The following SPON1 variants were observed in gnomAD, a reference collection of about 807,000 sequenced individuals.
SPON1 encodes spondin-1.
In SPON1, 52 loss-of-function variants were observed where a neutral mutation model predicts 111.7. The ratio of observed to expected loss-of-function variants is 0.47; its 90% CI spans 0.37 to 0.59. The LOEUF is 0.59. Ranked by LOEUF, SPON1 falls within the 20% of genes least tolerant of loss-of-function variation. The pLI is 0.00. For synonymous variants in SPON1, 410 were observed against 395.8 expected (o/e 1.04, Z -0.43); for missense variants, 957 against 1,068.5 (o/e 0.90, Z 1.46).
intron 2 of SPON1, among the ~76,000 whole-genome samples, chr11:14,016,816 AT>A (rs1424748523): frequency 6.6e-6 from 1 of 152,168 alleles, no homozygotes; most frequent in African/African-American, 2.4e-5. Flanking sequence ...ATAATGTGCC[AT>A]TTTTTTCATT....
chr11:13,993,517 C>T (rs970136270), intron 2 of SPON1, among the ~76,000 whole-genome samples: 1 of 152,208 alleles, frequency 6.6e-6, no homozygotes, highest in Non-Finnish European at 1.5e-5. Flanking sequence ...CTCTTGTCTC[C>T]TTCAGGTCTC....
chr11:14,048,081 A>C (rs1458824745), intron 3 of SPON1, among the ~76,000 whole-genome samples: 14 of 152,098 alleles, frequency 9.2e-5, no homozygotes, highest in Admixed American at 9.2e-4. Flanking sequence ...CTCTACTACA[A>C]ATACAAAATT....
chr11:13,979,208 C>T (rs942605894), intron 1 of SPON1, among the ~76,000 whole-genome samples: 27 of 152,178 alleles, frequency 1.8e-4, no homozygotes, highest in Non-Finnish European at 3.4e-4. Flanking sequence ...TAGCTTTCTG[C>T]GGCTTGTAAA....
At chr11:14,185,295 G>A (rs1848274811) in intron 6 of SPON1, among the ~76,000 whole-genome samples, 3 of 152,094 alleles carry the variant, frequency 2.0e-5, no homozygotes, top group Admixed American at 6.5e-5. Flanking sequence ...AGTTTAGTTT[G>A]AAGGTTTGCC....
At chr11:14,156,477 C>G (rs10766158) in intron 6 of SPON1, among the ~76,000 whole-genome samples, 51,503 of 140,254 alleles carry the variant, frequency 0.37, 9,796 homozygotes, top group East Asian at 0.51. Flanking sequence ...TTCTTTTGCT[C>G]TGCAGAAGCT....
chr11:14,236,157 AG>A (rs1554939221), intron 6 of SPON1, among the ~76,000 whole-genome samples: 3 of 152,002 alleles, frequency 2.0e-5, no homozygotes, highest in African/African-American at 7.3e-5. Context: ...GGAGGAAGGG[AG>A]GGGAGGTAGA....
intron 2 of SPON1, among the ~76,000 whole-genome samples, chr11:14,020,299 G>A (rs959621885): frequency 6.6e-6 from 1 of 152,144 alleles, no homozygotes; most frequent in African/African-American, 2.4e-5. Flanking sequence ...GGGAAGAGCT[G>A]GGGGAGAGGC....
At chr11:14,170,968 G>T (rs1444887898) in intron 6 of SPON1, among the ~76,000 whole-genome samples, 1 of 152,058 alleles carries the variant, frequency 6.6e-6, no homozygotes, top group Non-Finnish European at 1.5e-5. Context: ...TTTTTGTTGT[G>T]TCTCTGCCAG....
chr11:13,992,201 G>T (rs1848236431), intron 2 of SPON1, among the ~76,000 whole-genome samples: 1 of 152,214 alleles, frequency 6.6e-6, no homozygotes, highest in Non-Finnish European at 1.5e-5. Flanking sequence ...GGAAGATGGG[G>T]TTTTTATCTA....
intron 2 of SPON1, among the ~76,000 whole-genome samples, chr11:13,986,788 C>T (rs1374385982): frequency 6.6e-6 from 1 of 152,040 alleles, no homozygotes; most frequent in Non-Finnish European, 1.5e-5. Context: ...TGTTCAACTC[C>T]CACTTATGAG....
At chr11:14,252,644 T>C (rs1266371014) in intron 7 of SPON1, among the ~76,000 whole-genome samples, 2 of 144,592 alleles carry the variant, frequency 1.4e-5, no homozygotes, top group African/African-American at 2.6e-5. Context: ...AGGCAAGACC[T>C]GCGCAGAGTG....
intron 2 of SPON1, among the ~76,000 whole-genome samples, chr11:13,984,051 A>G (rs1165484750): frequency 6.6e-6 from 1 of 152,174 alleles, no homozygotes; most frequent in South Asian, 2.1e-4. Flanking sequence ...ATGTCCTTCT[A>G]TGGCAAAGAA....
At chr11:13,985,095 G>T (rs1157365627) in intron 2 of SPON1, among the ~76,000 whole-genome samples, 2 of 152,202 alleles carry the variant, frequency 1.3e-5, no homozygotes, top group Non-Finnish European at 2.9e-5. Context: ...TCTGAGGGCA[G>T]GGCCCTCACA....
At chr11:14,235,625 G>A (rs1554939135) in intron 6 of SPON1, among the ~76,000 whole-genome samples, 1 of 132,306 alleles carries the variant, frequency 7.6e-6, no homozygotes, top group Non-Finnish European at 1.5e-5. Context: ...TCTACAGTGA[G>A]CCATGATTAT....
chr11:14,178,029 G>A (rs1554933280), intron 6 of SPON1, among the ~76,000 whole-genome samples: 1 of 94,036 alleles, frequency 1.1e-5, no homozygotes, highest in African/African-American at 3.8e-5. Context: ...TCTCACTGTT[G>A]TAAAACACAC....
intron 5 of SPON1, among the ~76,000 whole-genome samples, chr11:14,126,598 G>A (rs1192466258): frequency 6.6e-6 from 1 of 152,126 alleles, no homozygotes; most frequent in African/African-American, 2.4e-5. Context: ...TAAACCCAGA[G>A]AGGCTACTTG....
chr11:14,054,543 G>C (rs953532548), intron 3 of SPON1, among the ~76,000 whole-genome samples: 36 of 151,470 alleles, frequency 2.4e-4, no homozygotes, highest in Non-Finnish European at 4.9e-4. Context: ...TCTCCTACAT[G>C]GTCCAAAGTC....
chr11:14,178,074 A>G (rs947844035), intron 6 of SPON1, among the ~76,000 whole-genome samples: 1 of 150,824 alleles, frequency 6.6e-6, no homozygotes, highest in Non-Finnish European at 1.5e-5. Context: ...ACACACACAC[A>G]CGCTTTGGTC....
chr11:14,224,265 TC>T (rs1168329558), intron 6 of SPON1, among the ~76,000 whole-genome samples: 2 of 151,926 alleles, frequency 1.3e-5, no homozygotes, highest in Non-Finnish European at 2.9e-5. Context: ...CTGAGGCAGA[TC>T]CCATGACAGG....
Sources: allele counts gnomAD v4.1 joint callset (sites outside exome capture counted in the v4.1 genomes callset), GRCh38; gene constraint gnomAD v4.1.1; transcripts MANE v1.5; gene names NCBI Gene and HGNC (gene_info 2026-07-23, HGNC 2026-07-21).